Variants in LDLRAD4 observed in about 807,000 individuals in gnomAD.
LDLRAD4 encodes the protein low-density lipoprotein receptor class A domain-containing protein 4.
Under a neutral mutation model 17.0 loss-of-function variants are expected in LDLRAD4, and 5 were observed. That is an observed-to-expected ratio of 0.29 (90% confidence interval 0.15 to 0.62). The LOEUF (loss-of-function observed/expected upper bound fraction) is 0.62. Among genes scored for constraint, LDLRAD4 ranks in the 20% least tolerant of loss-of-function variants. The pLI is 0.84. For synonymous variants in LDLRAD4, 168 were observed against 171.8 expected (o/e 0.98, Z 0.17); for missense variants, 340 against 424.7 (o/e 0.80, Z 1.75).
chr18:13,295,994 C>G (rs776384113), intron 1 of LDLRAD4, among the ~76,000 whole-genome samples: 5 of 152,202 alleles, frequency 3.3e-5, no homozygotes, highest in Non-Finnish European at 7.3e-5. Context: ...GGCTGCGAGG[C>G]GGGGTGCCTT....
chr18:13,530,435 A>G (rs1445918050), intron 3 of LDLRAD4, among the ~76,000 whole-genome samples: 1 of 152,244 alleles, frequency 6.6e-6, no homozygotes, highest in Non-Finnish European at 1.5e-5. Flanking sequence ...GGCTTTAGAT[A>G]GGGAGCAGCA....
chr18:13,458,920 C>T (rs1400266354), intron 3 of LDLRAD4, among the ~76,000 whole-genome samples: 3 of 152,178 alleles, frequency 2.0e-5, no homozygotes, highest in African/African-American at 7.2e-5. Flanking sequence ...AATATTCTCC[C>T]CTAGAGCTCT....
chr18:13,264,953 A>C (rs895266593), intron 1 of LDLRAD4, among the ~76,000 whole-genome samples: 1 of 152,238 alleles, frequency 6.6e-6, no homozygotes, highest in East Asian at 1.9e-4. Flanking sequence ...TGATCTGTAA[A>C]ATTATATAAG....
intron 1 of LDLRAD4, among the ~76,000 whole-genome samples, chr18:13,363,052 C>G (rs1238269427): frequency 6.6e-6 from 1 of 152,032 alleles, no homozygotes; most frequent in East Asian, 1.9e-4. Context: ...GAAGGGGGAC[C>G]AGGCGTGGTG....
intron 4 of LDLRAD4, among the ~76,000 whole-genome samples, chr18:13,632,023 T>G (rs756124193): frequency 8.8e-4 from 134 of 152,348 alleles, no homozygotes; most frequent in Non-Finnish European, 1.3e-3. Flanking sequence ...AAGGCAAGGA[T>G]GGTTCCATAC....
intron 1 of LDLRAD4, among the ~76,000 whole-genome samples, chr18:13,386,454 G>C (rs1049275929): frequency 6.6e-6 from 1 of 151,460 alleles, no homozygotes; most frequent in African/African-American, 2.4e-5. Context: ...CTGCAACCTC[G>C]CCTCCCGGGT....
intron 3 of LDLRAD4, among the ~76,000 whole-genome samples, chr18:13,445,371 G>C (rs2091319476): frequency 6.6e-6 from 1 of 152,192 alleles, no homozygotes; most frequent in African/African-American, 2.4e-5. Context: ...GAGAGTGTGT[G>C]TGAGTCTGGT....
intron 1 of LDLRAD4, chr18:13,382,606 TGTGTGTGTGCGTGTGTGTGTGC>T (rs997125242): frequency 1.3e-5 from 2 of 151,418 alleles, no homozygotes; most frequent in East Asian, 1.9e-4. Context: ...AGAACCTCCA[TGTGTGTGTGCGTGTGTGTGTGC>T]GTGTGTGTGC....
At chr18:13,241,014 C>T (rs561991265) in intron 1 of LDLRAD4, 1 of 152,188 alleles carries the variant, frequency 6.6e-6, no homozygotes, top group South Asian at 2.1e-4. Context: ...ACTGCAACGT[C>T]TGCCTCCCGG....
chr18:13,366,186 G>A (rs1360514568), intron 1 of LDLRAD4: 1 of 152,204 alleles, frequency 6.6e-6, no homozygotes, highest in Non-Finnish European at 1.5e-5. Flanking sequence ...TGATCCTGCT[G>A]CCTTGGCCTC....
intron 3 of LDLRAD4, among the ~76,000 whole-genome samples, chr18:13,469,859 G>A (rs1445161802): frequency 6.6e-6 from 1 of 152,206 alleles, no homozygotes; most frequent in Admixed American, 6.5e-5. Flanking sequence ...CAGTTACTGG[G>A]AGGCTGAAGA....
At chr18:13,364,533 G>T (rs2083914543) in intron 1 of LDLRAD4, among the ~76,000 whole-genome samples, 1 of 152,028 alleles carries the variant, frequency 6.6e-6, no homozygotes, top group Non-Finnish European at 1.5e-5. Flanking sequence ...GTGAAGACAG[G>T]ATCTCACTGT....
chr18:13,236,326 T>TTTTTTTG (rs58433201), intron 1 of LDLRAD4: 4 of 150,446 alleles, frequency 2.7e-5, no homozygotes, highest in African/African-American at 7.4e-5. Context: ...TTTTTTTTTT[T>TTTTTTTG]GAGACAGAGT....
chr18:13,508,409 TGGAA>T (rs1289272513), intron 3 of LDLRAD4, among the ~76,000 whole-genome samples: 2 of 152,126 alleles, frequency 1.3e-5, no homozygotes, highest in Non-Finnish European at 2.9e-5. Flanking sequence ...AACCCTCTAT[TGGAA>T]GGAGATGCCA....
chr18:13,307,386 T>A (rs965177232), intron 1 of LDLRAD4, among the ~76,000 whole-genome samples: 1 of 152,068 alleles, frequency 6.6e-6, no homozygotes, highest in African/African-American at 2.4e-5. Context: ...ACTAAATATA[T>A]TTTCTCTTTC....
intron 2 of LDLRAD4, among the ~76,000 whole-genome samples, chr18:13,400,835 C>T: frequency 6.6e-6 from 1 of 152,188 alleles, no homozygotes; most frequent in East Asian, 1.9e-4. Context: ...ATTGACTTCA[C>T]ATGTGTTCCT....
intron 1 of LDLRAD4, among the ~76,000 whole-genome samples, chr18:13,320,822 C>G (rs1230156442): frequency 6.6e-6 from 1 of 152,206 alleles, no homozygotes; most frequent in Non-Finnish European, 1.5e-5. Flanking sequence ...CCCATGGCAT[C>G]TGGTAGACCG....
At chr18:13,229,260 C>T (rs2041953761) in intron 1 of LDLRAD4, among the ~76,000 whole-genome samples, 1 of 152,216 alleles carries the variant, frequency 6.6e-6, no homozygotes, top group Admixed American at 6.5e-5. Context: ...TCTAGCTGTC[C>T]CTCCTGGGCC....
rs144806147 is a variant in LDLRAD4, at chr18:13,219,968, A to G, written c.-467+980A>G. On this transcript the variant is annotated intron_variant, in intron 1 of 5. Transcript: ENST00000399848. The stretch of plus-strand genomic sequence containing the variant: ...GTACTCTGCACAATTCTTCTGGAAT[A>G]TAGTCTTTGTGTTCAGTCAAGGATC... Among the ~76,000 whole-genome samples the G allele has an allele frequency of 6.8e-3, 1,031 of 152,346 alleles. 7 individuals carry two copies. The highest frequency in any genetic ancestry group is 0.016 in the African/African-American group (665 of 41,578).
Sources: gnomAD v4.1 joint callset for allele counts (sites outside exome capture counted in the v4.1 genomes callset) on GRCh38, gnomAD v4.1.1 for gene constraint, MANE v1.5 for transcripts, NCBI Gene and HGNC (gene_info 2026-07-23, HGNC 2026-07-21) for gene names.